Variants in USP50 observed in about 807,000 individuals in gnomAD.
USP50 encodes the protein ubiquitin specific peptidase 50.
Under a neutral mutation model 39.2 loss-of-function variants are expected in USP50, and 37 were observed. The observed-to-expected ratio is 0.94, with a 90% confidence interval of 0.73 to 1.24. The LOEUF (loss-of-function observed/expected upper bound fraction) is 1.24, where lower values mean the gene tolerates loss of function less well. Among genes scored for constraint, USP50 ranks in the 50% most tolerant of loss-of-function variants. The pLI, the probability that USP50 is intolerant of heterozygous loss-of-function variation, is 0.00. For synonymous variants in USP50, 139 were observed against 144.5 expected (o/e 0.96, Z 0.27); for missense variants, 374 against 398.2 (o/e 0.94, Z 0.52).
Position 50,538,767 on chromosome 15 carries a change from T to C in USP50, c.745A>G (p.Thr249Ala). ...TTGGAAATACTGGCCCTCACAGCAG[T>C]TTCTTGCTTGGTTTCACAAAAGGAG... is the stretch of plus-strand genomic sequence containing the variant. Reference protein sequence around the residue: ...HCSFCETKQETAVRASISKAP... With the variant: ...HCSFCETKQEAAVRASISKAP... The change falls in exon 5 of 7, where the codon ACT (threonine) becomes GCT (alanine). Residue 249 changes from threonine to alanine, a missense_variant. Physicochemically the swap from Thr to Ala is moderately conservative, Grantham distance 58. Transcript: ENST00000532404. The C allele has an allele frequency of 6.2e-7, 1 of 1,613,700 alleles. No homozygotes were observed. The highest frequency in any genetic ancestry group is 1.3e-5 in the African/African-American group (1 of 75,032).
At chr15:50,500,865 G>T (rs1306312404) in intron 6 of USP50, 28 bp from the exon 7 acceptor site, 5 of 1,547,068 alleles carry the variant, frequency 3.2e-6, no homozygotes, top group Non-Finnish European at 3.5e-6. Context: ...GTCAAACTTA[G>T]TATTCACATA....
At chr15:50,527,256 G>GT (rs1412243806) in intron 6 of USP50, among the ~76,000 whole-genome samples, 1 of 152,174 alleles carries the variant, frequency 6.6e-6, no homozygotes, top group Non-Finnish European at 1.5e-5. Context: ...CCAGGCTGGA[G>GT]TGCAGTGGCA....
intron 2 of USP50, 127 bp downstream of exon 2, chr15:50,544,460 G>A (rs1462095647): frequency 6.4e-6 from 5 of 784,840 alleles, no homozygotes; most frequent in Non-Finnish European, 1.9e-6. Flanking sequence ...CGTGTTATCT[G>A]GGAAGCTACA....
At position 50,500,752 on chromosome 15, in the gene USP50, G is replaced by GTGT. The variant is rs1566898368; in HGVS notation, c.*14_*16dup. ...AGTATCTGGAATCTCACTGACTCGT[G>GTGT]TGTTATCAAAGCTATATCAGGCCTG... On this transcript the variant is annotated 3_prime_UTR_variant, in exon 7 of 7. Coordinates refer to ENST00000532404, the MANE Select transcript of USP50 (RefSeq NM_203494.5). The GTGT allele has an allele frequency of 6.3e-7, 1 of 1,577,646 alleles. No homozygotes were observed. The highest frequency in any genetic ancestry group is 8.6e-7 in the Non-Finnish European group (1 of 1,160,608).
At chr15:50,496,498 A>G (rs1051180620), downstream of USP50, among the ~76,000 whole-genome samples, 4 of 152,030 alleles carry the variant, frequency 2.6e-5, no homozygotes, top group African/African-American at 4.8e-5. Flanking sequence ...AAAAAAAAAA[A>G]AACCTTTTAT....
intron 6 of USP50, among the ~76,000 whole-genome samples, chr15:50,519,811 G>A (rs954627279): frequency 1.3e-5 from 2 of 152,092 alleles, no homozygotes; most frequent in African/African-American, 4.8e-5. Context: ...AGAGAAAAGG[G>A]AACTCTTATA....
intron 6 of USP50, chr15:50,507,268 G>C (rs1432396506): frequency 2.6e-5 from 4 of 152,548 alleles, no homozygotes; most frequent in African/African-American, 9.6e-5. Context: ...GGGGCACAGA[G>C]TGAGACTCTG....
At chr15:50,541,342 T>C (rs1388986176) in intron 3 of USP50, 78 bp from the exon 4 acceptor site, 3 of 1,311,948 alleles carry the variant, frequency 2.3e-6, no homozygotes, top group Non-Finnish European at 3.2e-6. Context: ...TGAGATCCCA[T>C]CTCTACAAAA....
chr15:50,493,037 A>C (rs2052236657), downstream of USP50: 2 of 1,030,602 alleles, frequency 1.9e-6, no homozygotes, highest in Non-Finnish European at 2.9e-6. Flanking sequence ...ATTTGTAAAG[A>C]ACAAAAATTT....
chr15:50,526,205 T>C (rs905894280), intron 6 of USP50, among the ~76,000 whole-genome samples: 1 of 152,102 alleles, frequency 6.6e-6, no homozygotes, highest in Non-Finnish European at 1.5e-5. Flanking sequence ...ACCACAGGTA[T>C]GCACCACCAT....
At position 50,541,246 on chromosome 15, in the gene USP50, TTC is replaced by T; in HGVS notation, c.461_462del (p.Arg154LysfsTer4). ...EALKKYHYSR[R>X]RSYEKGSTQR... ...TGAGTAGATCCTTTCTCATATGATC[TTC>T]TCCGGGAGTAGTGGTACTGAATCAA... On this transcript the variant is annotated frameshift_variant, in exon 4 of 7. Coordinates refer to ENST00000532404, the MANE Select transcript of USP50 (RefSeq NM_203494.5). LOFTEE classifies it high-confidence loss of function. 1 of 1,613,764 alleles carries T rather than the reference TTC, an allele frequency of 6.2e-7. No individual in the cohort carries two copies. Among genetic ancestry groups the T allele is most frequent in the East Asian group, 2.2e-5 (1 of 44,882 alleles).
intron 3 of USP50, among the ~76,000 whole-genome samples, chr15:50,542,424 C>A (rs1041985557): frequency 6.7e-6 from 1 of 150,162 alleles, no homozygotes; most frequent in Non-Finnish European, 1.5e-5. Context: ...GCCCACTCAC[C>A]TCTTTTCTTA....
Position 50,529,939 on chromosome 15 carries a change from T to C in USP50, c.804-10A>G, listed in dbSNP as rs1049486249. 6.2e-7 allele frequency: 1 copy of C among 1,612,458 alleles called. No individual in the cohort carries two copies. Among genetic ancestry groups the C allele is most frequent in the African/African-American group, 1.3e-5 (1 of 74,962 alleles). On this transcript the variant is annotated splice_polypyrimidine_tract_variant and intron_variant, in intron 5 of 6. Transcript: ENST00000532404. Reference sequence around the variant, plus strand: ...ACCCTGAATGTCAAACCTGCAGGTATAATAAATGTGTGAAATACAAAGTAA... The same window carrying C: ...ACCCTGAATGTCAAACCTGCAGGTACAATAAATGTGTGAAATACAAAGTAA...
chr15:50,495,589 A>G (rs2052366174), downstream of USP50, among the ~76,000 whole-genome samples: 1 of 151,912 alleles, frequency 6.6e-6, no homozygotes, highest in Non-Finnish European at 1.5e-5. Flanking sequence ...AGCATGAACC[A>G]CCACATCTGG....
chr15:50,510,054 T>C (rs1302472479), intron 6 of USP50: 1 of 152,104 alleles, frequency 6.6e-6, no homozygotes, highest in Non-Finnish European at 1.5e-5. Flanking sequence ...ATTAATTTAA[T>C]AAATTTAATA....
At chr15:50,543,878 A>G in intron 2 of USP50, 85 bp from the exon 3 acceptor site, 1 of 1,364,558 alleles carries the variant, frequency 7.3e-7, no homozygotes. Context: ...TTAGTCTCAA[A>G]ATGGAAGAAC....
At chr15:50,544,817 G>A (rs766569306) in intron 1 of USP50, 36 bp from the exon 2 acceptor site, 66 of 1,586,916 alleles carry the variant, frequency 4.2e-5, no homozygotes, top group Non-Finnish European at 5.2e-5. Context: ...AGGGTTTTGA[G>A]AGAACAAAAT....
chr15:50,546,655 T>G lies in USP50; in HGVS notation c.-130A>C, dbSNP rs2053073470. 6 of 958,894 alleles carry G rather than the reference T, an allele frequency of 6.3e-6. No homozygotes were observed. The highest frequency in any genetic ancestry group is 9.6e-6 in the Non-Finnish European group (6 of 622,010). The allele number at this position is 958,894 out of a possible 1,614,324, so 59.4% of individuals were successfully genotyped here. On this transcript the variant is annotated 5_prime_UTR_variant, in exon 1 of 7. Coordinates refer to ENST00000532404, the MANE Select transcript of USP50 (RefSeq NM_203494.5). ...ATTGATATGCTCCTCTCTCTTCCAGTAGCTGCGAACTGATTTTCACCTGTA... is the reference window on the plus strand; with the variant it reads ...ATTGATATGCTCCTCTCTCTTCCAGGAGCTGCGAACTGATTTTCACCTGTA...
intron 6 of USP50, among the ~76,000 whole-genome samples, chr15:50,515,449 C>T (rs983558953): frequency 6.6e-6 from 1 of 151,894 alleles, no homozygotes; most frequent in Non-Finnish European, 1.5e-5. Context: ...ACTATGTTGG[C>T]CAGGCTGGTC....
Sources: allele counts gnomAD v4.1 joint callset (sites outside exome capture counted in the v4.1 genomes callset), GRCh38; gene constraint gnomAD v4.1.1; transcripts MANE v1.5; gene names NCBI Gene and HGNC (gene_info 2026-07-23, HGNC 2026-07-21).